The following PCDH15 variants were observed in gnomAD, a reference collection of about 807,000 sequenced individuals.
PCDH15 encodes protocadherin-15.
A neutral mutation model predicts 178.5 loss-of-function variants in PCDH15; 129 were observed. The observed-to-expected ratio is 0.72, with a 90% CI of 0.63 to 0.84. PCDH15 has a LOEUF of 0.84. PCDH15 is among the 40% of genes least tolerant of loss of function. The pLI, the probability that PCDH15 is intolerant of heterozygous loss-of-function variation, is 0.00. For missense variants in PCDH15, 2,230 were observed against 2,099.9 expected, an observed-to-expected ratio of 1.06 and a Z score of -1.21; for synonymous variants, 800 against 732.0, an observed-to-expected ratio of 1.09 and a Z score of -1.50.
intron 21 of PCDH15, among the ~76,000 whole-genome samples, chr10:53,964,569 G>C (rs1218069734): frequency 7.0e-6 from 1 of 143,856 alleles, no homozygotes; most frequent in Non-Finnish European, 1.5e-5. Flanking sequence ...ACACATCAAG[G>C]GTGCCCAGAC....
chr10:55,217,514 A>G (rs1193837692), intron 1 of PCDH15, among the ~76,000 whole-genome samples: 1 of 151,916 alleles, frequency 6.6e-6, no homozygotes, highest in African/African-American at 2.4e-5. Flanking sequence ...CGCAAATGAT[A>G]CACATGAAAT....
intron 2 of PCDH15, among the ~76,000 whole-genome samples, chr10:54,963,396 T>C (rs1295237289): frequency 6.6e-6 from 1 of 152,130 alleles, no homozygotes; most frequent in Non-Finnish European, 1.5e-5. Context: ...TCCCACATTC[T>C]CACTAAAATA....
chr10:55,443,890 C>T (rs1839254085), intron 2 of PCDH15, among the ~76,000 whole-genome samples: 1 of 152,138 alleles, frequency 6.6e-6, no homozygotes, highest in South Asian at 2.1e-4. Flanking sequence ...AACCAAAATG[C>T]CCATCAATGT....
chr10:54,776,589 T>C (rs988454233), intron 1 of PCDH15, among the ~76,000 whole-genome samples: 1 of 152,178 alleles, frequency 6.6e-6, no homozygotes, highest in African/African-American at 2.4e-5. Flanking sequence ...GAAAAGAACA[T>C]ATTTAAGTGG....
intron 1 of PCDH15, among the ~76,000 whole-genome samples, chr10:54,777,404 A>C (rs1340487617): frequency 6.6e-6 from 1 of 152,152 alleles, no homozygotes; most frequent in African/African-American, 2.4e-5. Context: ...TATCCATTTG[A>C]AAAAGGGAAG....
chr10:54,034,861 T>G (rs2093380208), intron 18 of PCDH15, among the ~76,000 whole-genome samples: 1 of 151,922 alleles, frequency 6.6e-6, no homozygotes, highest in African/African-American at 2.4e-5. Context: ...ACAGTACTGC[T>G]GCTTACCTTA....
intron 8 of PCDH15, among the ~76,000 whole-genome samples, chr10:54,290,463 G>A (rs2059326569): frequency 6.6e-6 from 1 of 152,168 alleles, no homozygotes; most frequent in Non-Finnish European, 1.5e-5. Context: ...AAAGACCATG[G>A]ATGCTATGAA....
intron 2 of PCDH15, among the ~76,000 whole-genome samples, chr10:55,616,063 G>C (rs2132165057): frequency 6.6e-6 from 1 of 152,310 alleles, no homozygotes; most frequent in African/African-American, 2.4e-5. Context: ...CTGTATCTAA[G>C]TGGGACAACA....
intron 2 of PCDH15, among the ~76,000 whole-genome samples, chr10:54,578,726 T>A (rs1033860129): frequency 2.4e-4 from 36 of 152,096 alleles, no homozygotes; most frequent in African/African-American, 8.7e-4. Context: ...AATCTGCTCC[T>A]CCTTTCCACA....
At chr10:55,620,213 A>G (rs958607590) in intron 2 of PCDH15, among the ~76,000 whole-genome samples, 1 of 152,092 alleles carries the variant, frequency 6.6e-6, no homozygotes, top group African/African-American at 2.4e-5. Context: ...CTAAATACCA[A>G]TTGAAAAACA....
At chr10:54,778,623 A>G (rs1227374779) in intron 1 of PCDH15, among the ~76,000 whole-genome samples, 1 of 152,166 alleles carries the variant, frequency 6.6e-6, no homozygotes, top group Non-Finnish European at 1.5e-5. Flanking sequence ...ATTGTGAAGT[A>G]ACACTGCATT....
chr10:55,079,169 A>G (rs1024247825), intron 2 of PCDH15, among the ~76,000 whole-genome samples: 4 of 151,690 alleles, frequency 2.6e-5, no homozygotes, highest in African/African-American at 4.8e-5. Flanking sequence ...CCACTTCCTT[A>G]CTTTTTATTG....
At chr10:54,469,128 GCT>G (rs1161631221) in intron 3 of PCDH15, among the ~76,000 whole-genome samples, 3 of 152,072 alleles carry the variant, frequency 2.0e-5, no homozygotes, top group African/African-American at 7.2e-5. Context: ...TTAGATTCTT[GCT>G]CTGTTGCCCA....
intron 2 of PCDH15, among the ~76,000 whole-genome samples, chr10:54,955,139 C>A (rs1386333453): frequency 1.3e-5 from 2 of 151,124 alleles, no homozygotes; most frequent in Non-Finnish European, 3.0e-5. Context: ...AAAAACAAAT[C>A]AAGCTGGCAC....
chr10:55,611,660 C>T (rs1243079738), intron 2 of PCDH15, among the ~76,000 whole-genome samples: 1 of 151,984 alleles, frequency 6.6e-6, no homozygotes, highest in Non-Finnish European at 1.5e-5. Flanking sequence ...TGGGTGTATA[C>T]TCAAATGAGT....
chr10:55,084,062 A>AT (rs1361011648), intron 2 of PCDH15, among the ~76,000 whole-genome samples: 1 of 151,106 alleles, frequency 6.6e-6, no homozygotes, highest in Non-Finnish European at 1.5e-5. Flanking sequence ...TCACAAAAAT[A>AT]TAAAAAAAAT....
intron 18 of PCDH15, among the ~76,000 whole-genome samples, chr10:54,030,334 A>G (rs1427112149): frequency 6.7e-6 from 1 of 149,432 alleles, no homozygotes; most frequent in Non-Finnish European, 1.5e-5. Flanking sequence ...TTTTAAAATT[A>G]TTATCTATTA....
intron 1 of PCDH15, among the ~76,000 whole-genome samples, chr10:54,705,860 C>T (rs2095360265): frequency 6.6e-6 from 1 of 152,094 alleles, no homozygotes; most frequent in Non-Finnish European, 1.5e-5. Context: ...TGATTATAGA[C>T]AGGTATCTGA....
In PCDH15 at chr10:54,369,185, C is replaced by A. The variant is rs1363192601; in HGVS notation, c.409G>T (p.Val137Leu). ...TIIYHEVRIVVRDRNDNSPTF... is the reference protein window; with the variant it reads ...TIIYHEVRIVLRDRNDNSPTF... Reference sequence around the variant, plus strand: ...GGTGAGTTGTCATTCCTGTCTCTCACCACTATTCGCACTTCATGGTAGATA... The same window carrying A: ...GGTGAGTTGTCATTCCTGTCTCTCAACACTATTCGCACTTCATGGTAGATA... Residue 137 changes from valine (V) to leucine (L), a missense_variant, in exon 5 of 38, where the codon GTG (valine) becomes TTG (leucine). Physicochemically the swap from Val to Leu is conservative, Grantham distance 32. Coordinates refer to ENST00000644397, the MANE Select transcript of PCDH15 (RefSeq NM_001384140.1). 3 of 1,612,998 alleles carry A rather than the reference C, an allele frequency of 1.9e-6. No individual in the cohort carries two copies. In the Admixed American group the frequency reaches 5.0e-5, roughly 27 times the overall value.
Sources: gnomAD v4.1 joint callset for allele counts (sites outside exome capture counted in the v4.1 genomes callset) on GRCh38, gnomAD v4.1.1 for gene constraint, MANE v1.5 for transcripts, NCBI Gene and HGNC (gene_info 2026-07-23, HGNC 2026-07-21) for gene names.